DGKI: variants seen among roughly 807,000 people sequenced by gnomAD.
DGKI encodes the protein diacylglycerol kinase iota.
In DGKI, 55 loss-of-function variants were observed where a neutral mutation model predicts 147.5. The observed-to-expected ratio is 0.37, with a 90% confidence interval of 0.30 to 0.47. The LOEUF (loss-of-function observed/expected upper bound fraction) is 0.47, where lower values mean the gene tolerates loss of function less well. DGKI is among the 20% of genes least tolerant of loss of function. The probability of loss-of-function intolerance (pLI) is 1.00; values close to 1 mark genes in which losing one functional copy is unlikely to be tolerated. For synonymous variants in DGKI, 469 were observed against 477.1 expected (o/e 0.98, Z 0.22); for missense variants, 1,007 against 1,323.8 (o/e 0.76, Z 3.71).
At chr7:137,605,825 G>C (rs1820166345) in intron 10 of DGKI, among the ~76,000 whole-genome samples, 1 of 152,170 alleles carries the variant, frequency 6.6e-6, no homozygotes, top group African/African-American at 2.4e-5. Context: ...TGGTGGGTGT[G>C]GGGGATGACC....
intron 1 of DGKI, among the ~76,000 whole-genome samples, chr7:137,821,417 T>C (rs751090499): frequency 1.3e-5 from 2 of 151,568 alleles, no homozygotes; most frequent in South Asian, 2.1e-4. Flanking sequence ...TTGGGAAAGA[T>C]GAAATACCTA....
chr7:137,525,981 A>G (rs1438085487), intron 20 of DGKI, among the ~76,000 whole-genome samples: 2 of 151,992 alleles, frequency 1.3e-5, no homozygotes, highest in Non-Finnish European at 2.9e-5. Context: ...AACTAAAAAC[A>G]TGAAAACAGA....
chr7:137,595,480 A>G (rs1311768285), intron 12 of DGKI, among the ~76,000 whole-genome samples: 1 of 152,164 alleles, frequency 6.6e-6, no homozygotes, highest in East Asian at 1.9e-4. Context: ...TGTTTACTTG[A>G]CAGAACAGAC....
chr7:137,655,082 C>T (rs1822170007), intron 4 of DGKI, among the ~76,000 whole-genome samples: 1 of 152,088 alleles, frequency 6.6e-6, no homozygotes, highest in Admixed American at 6.6e-5. Flanking sequence ...TAAGAAAGAG[C>T]CAGAGGAAAG....
In DGKI at chr7:137,750,463, A is replaced by C. The variant is rs115328332; in HGVS notation, c.402-60461T>G. Among the ~76,000 whole-genome samples the C allele has an allele frequency of 6.6e-3, 1,007 of 152,274 alleles. 9 individuals carry two copies. Among genetic ancestry groups the C allele is most frequent in the African/African-American group, 0.023 (969 of 41,560 alleles). On this transcript the variant is annotated intron_variant, in intron 1 of 32. Transcript: ENST00000614521. ...AAGCCTGGCACATAGTAGGTGCTTA[A>C]TAAATACTTGAATAAATGAACAAAG...
At chr7:137,420,922 G>A (rs1398604269) in intron 28 of DGKI, among the ~76,000 whole-genome samples, 1 of 152,120 alleles carries the variant, frequency 6.6e-6, no homozygotes, top group Non-Finnish European at 1.5e-5. Context: ...GGGAGGCTAA[G>A]ACAAGAGAAT....
chr7:137,491,507 T>A (rs189622249), intron 21 of DGKI, among the ~76,000 whole-genome samples: 44 of 152,366 alleles, frequency 2.9e-4, no homozygotes, highest in Admixed American at 2.2e-3. Flanking sequence ...CTGCATTCCA[T>A]ATTTCTAGAT....
At chr7:137,577,375 A>G in intron 16 of DGKI, 91 bp from the exon 17 acceptor site, 1 of 893,174 alleles carries the variant, frequency 1.1e-6, no homozygotes, top group Non-Finnish European at 1.8e-6. Flanking sequence ...AAGGATTCCA[A>G]AGTATGCAAA....
At chr7:137,549,449 T>G (rs935798829) in intron 20 of DGKI, among the ~76,000 whole-genome samples, 2 of 152,166 alleles carry the variant, frequency 1.3e-5, no homozygotes, top group South Asian at 4.1e-4. Context: ...AGCCTAATTT[T>G]TAAAGATGAA....
intron 1 of DGKI, among the ~76,000 whole-genome samples, chr7:137,745,781 GAAA>G (rs756057426): frequency 5.3e-5 from 8 of 150,692 alleles, no homozygotes; most frequent in South Asian, 4.2e-4. Context: ...AAAAAGGATA[GAAA>G]AAAAAACATA....
chr7:137,427,474 C>T (rs1272863455), intron 28 of DGKI, among the ~76,000 whole-genome samples: 1 of 152,032 alleles, frequency 6.6e-6, no homozygotes, highest in African/African-American at 2.4e-5. Context: ...GACACCCTAA[C>T]ATCACAATTA....
At chr7:137,699,827 AG>A (rs1180616438) in intron 1 of DGKI, among the ~76,000 whole-genome samples, 1 of 152,156 alleles carries the variant, frequency 6.6e-6, no homozygotes, top group Non-Finnish European at 1.5e-5. Context: ...TCACAACCAC[AG>A]TCTTGCAAAA....
At chr7:137,802,328 G>A (rs561881448) in intron 1 of DGKI, among the ~76,000 whole-genome samples, 3 of 152,136 alleles carry the variant, frequency 2.0e-5, no homozygotes, top group East Asian at 1.9e-4. Flanking sequence ...CTCAGAAATC[G>A]CTACTCAAGA....
At chr7:137,735,278 C>T (rs1167342339) in intron 1 of DGKI, among the ~76,000 whole-genome samples, 1 of 152,118 alleles carries the variant, frequency 6.6e-6, no homozygotes, top group Non-Finnish European at 1.5e-5. Context: ...TTTGTTTTAG[C>T]AACGCTAATC....
At chr7:137,564,222 T>C (rs1310877343) in intron 19 of DGKI, among the ~76,000 whole-genome samples, 3 of 152,180 alleles carry the variant, frequency 2.0e-5, no homozygotes, top group Non-Finnish European at 2.9e-5. Flanking sequence ...TACACAAAAA[T>C]TAATTTGAGC....
At chr7:137,436,829 A>G (rs1332683647) in intron 28 of DGKI, among the ~76,000 whole-genome samples, 3 of 150,686 alleles carry the variant, frequency 2.0e-5, no homozygotes, top group Non-Finnish European at 4.4e-5. Context: ...TCTCATAAAT[A>G]CGATATTGAT....
chr7:137,569,677 C>T (rs1018564505), intron 19 of DGKI, among the ~76,000 whole-genome samples: 7 of 128,376 alleles, frequency 5.5e-5, no homozygotes, highest in African/African-American at 1.6e-4. Flanking sequence ...TGCAGTGAGC[C>T]GAAATTGCTC....
intron 7 of DGKI, among the ~76,000 whole-genome samples, chr7:137,621,742 A>G (rs1394046103): frequency 6.6e-6 from 1 of 152,248 alleles, no homozygotes; most frequent in African/African-American, 2.4e-5. Flanking sequence ...CTACAGATTA[A>G]TAGAAAGAGA....
Position 137,679,884 on chromosome 7 carries a change from A to G in DGKI, c.511-1232T>C, listed in dbSNP as rs191314895. ...GGGCGCCTGTTAATCCCAGCTATTC[A>G]GGAGGCTGAGGCAGGAGAATCACTT... On this transcript the variant is annotated intron_variant, in intron 2 of 32. Coordinates refer to ENST00000614521, the MANE Select transcript of DGKI (RefSeq NM_001321708.2). 7.6e-3 allele frequency among the ~76,000 whole-genome samples: 1,154 copies of G among 150,980 alleles called. 16 individuals are homozygous for G. Among genetic ancestry groups the G allele is most frequent in the African/African-American group, 0.025 (1,015 of 40,852 alleles).
Sources: gnomAD v4.1 joint callset for allele counts (sites outside exome capture counted in the v4.1 genomes callset) on GRCh38, gnomAD v4.1.1 for gene constraint, MANE v1.5 for transcripts, NCBI Gene and HGNC (gene_info 2026-07-23, HGNC 2026-07-21) for gene names.